The following GALNT16 variants were observed in gnomAD, a reference collection of about 807,000 sequenced individuals.
The protein encoded by GALNT16 is polypeptide N-acetylgalactosaminyltransferase 16, also known as UDP-GalNAc:polypeptide N-acetylgalactosaminyltransferase-like protein 1.
GALNT16 carries 40 observed loss-of-function variants against 76.1 expected under a neutral mutation model. The ratio of observed to expected loss-of-function variants is 0.53; its 90% CI spans 0.41 to 0.68. The LOEUF is 0.68. Ranked by LOEUF, GALNT16 falls within the 30% of genes least tolerant of loss-of-function variation. The probability of loss-of-function intolerance (pLI) is 0.00; values close to 1 mark genes in which losing one functional copy is unlikely to be tolerated. For missense variants in GALNT16, 621 were observed against 731.9 expected, an observed-to-expected ratio of 0.85 and a Z score of 1.75; for synonymous variants, 276 against 285.2, an observed-to-expected ratio of 0.97 and a Z score of 0.32.
At chr14:69,345,959 C>G (rs1161573848) in intron 12 of GALNT16, among the ~76,000 whole-genome samples, 1 of 152,102 alleles carries the variant, frequency 6.6e-6, no homozygotes, top group African/African-American at 2.4e-5. Context: ...GGCATTATGG[C>G]TCACTGCAGC....
chr14:69,378,823 A>G, the GALNT16 span, among the ~76,000 whole-genome samples: 1 of 152,254 alleles, frequency 6.6e-6, no homozygotes, highest in African/African-American at 2.4e-5. Context: ...AAATAAAGCC[A>G]AAGATCCTCT....
chr14:69,325,166 C>G lies in GALNT16; in HGVS notation c.435-171C>G, dbSNP rs145384541. 4.9e-3 allele frequency among the ~76,000 whole-genome samples: 748 copies of G among 152,224 alleles called. 6 individuals are homozygous for G. The highest frequency in any genetic ancestry group is 0.017 in the African/African-American group (717 of 41,544). ...CTGGGCTTGTGGTCAAGTTGAACTC[C>G]CATCTCCCCATTTCCTCAATGAACT... is the stretch of plus-strand genomic sequence containing the variant. On this transcript the variant is annotated intron_variant, in intron 3 of 14. Transcript: ENST00000448469.
chr14:69,277,920 C>T (rs1450740224), intron 1 of GALNT16, among the ~76,000 whole-genome samples: 1 of 152,048 alleles, frequency 6.6e-6, no homozygotes. Context: ...GCCATTCTAA[C>T]ATTTATGCAG....
intron 2 of GALNT16, among the ~76,000 whole-genome samples, chr14:69,322,990 ACGCGCG>A (rs1235629233): frequency 2.2e-4 from 5 of 22,678 alleles, no homozygotes; most frequent in East Asian, 3.3e-3. Context: ...GTGCGCGCGC[ACGCGCG>A]CACGCATGCA....
intron 1 of GALNT16, among the ~76,000 whole-genome samples, chr14:69,270,050 T>C (rs143654331): frequency 5.3e-5 from 8 of 152,160 alleles, no homozygotes; most frequent in African/African-American, 1.4e-4. Flanking sequence ...TGGTTCGTGG[T>C]GTTCTCTTCT....
chr14:69,294,881 C>T (rs1489071239), intron 1 of GALNT16, among the ~76,000 whole-genome samples: 1 of 152,110 alleles, frequency 6.6e-6, no homozygotes, highest in Non-Finnish European at 1.5e-5. Flanking sequence ...ACCGCGCTGG[C>T]TCACATGATA....
chr14:69,317,100 G>C (rs556308342), intron 1 of GALNT16, among the ~76,000 whole-genome samples: 1 of 152,184 alleles, frequency 6.6e-6, no homozygotes, highest in East Asian at 1.9e-4. Context: ...CTCCAGAGAG[G>C]GCAGCCAAGC....
chr14:69,314,246 C>A (rs2140155155), intron 1 of GALNT16, among the ~76,000 whole-genome samples: 1 of 152,346 alleles, frequency 6.6e-6, no homozygotes, highest in Non-Finnish European at 1.5e-5. Context: ...AGGCACTGTG[C>A]AAAGCACATT....
At chr14:69,293,128 AG>A (rs2044709529) in intron 1 of GALNT16, among the ~76,000 whole-genome samples, 1 of 152,166 alleles carries the variant, frequency 6.6e-6, no homozygotes, top group Admixed American at 6.5e-5. Flanking sequence ...AGTGAACAGA[AG>A]GTAAGTATCT....
rs1380904897 is a variant in GALNT16, at chr14:69,338,708, G to A, written c.1025G>A (p.Arg342Gln). 5 of 1,613,702 alleles carry A rather than the reference G, an allele frequency of 3.1e-6. No individual in the cohort carries two copies. Among genetic ancestry groups the A allele is most frequent in the African/African-American group, 1.3e-5 (1 of 74,848 alleles). The change falls in exon 10 of 15, where the codon CGG becomes CAG. Residue 342 changes from arginine (R) to glutamine (Q), a missense_variant. Coordinates refer to ENST00000448469, the MANE Select transcript of GALNT16 (RefSeq NM_001168368.2). ...AGTCTGGAGATCGTCCCCTGCAGCC[G>A]GGTGGGCCATGTCTTCAGGAAACGG... Reference protein sequence around the residue: ...GGSLEIVPCSRVGHVFRKRHP... With the variant: ...GGSLEIVPCSQVGHVFRKRHP...
intron 2 of GALNT16, 70 bp from the exon 3 acceptor site, chr14:69,324,622 C>T: frequency 1.2e-6 from 1 of 841,270 alleles, no homozygotes; most frequent in South Asian, 1.7e-5. Flanking sequence ...CAAGACTGGA[C>T]AAAGAAAAAC....
intron 1 of GALNT16, among the ~76,000 whole-genome samples, chr14:69,313,832 G>A (rs1295686434): frequency 6.6e-6 from 1 of 152,244 alleles, no homozygotes; most frequent in Non-Finnish European, 1.5e-5. Context: ...TCTGCTGATG[G>A]TGAAGTTCCT....
In GALNT16 at chr14:69,304,057, T is replaced by A. The variant is rs555857573; in HGVS notation, c.178-16654T>A. On this transcript the variant is annotated intron_variant, in intron 1 of 14. Transcript: ENST00000448469. ...GTCTTCCATCACTTTTTTTCCGGGC[T>A]CTTTTTGGGGGTGGGGGTGAGGGAT... Among the ~76,000 whole-genome samples, 462 of 152,238 alleles carry A rather than the reference T, an allele frequency of 3.0e-3. 1 individual carries two copies. The highest frequency in any genetic ancestry group is 4.7e-3 in the Non-Finnish European group (318 of 68,008).
chr14:69,327,082 A>G (rs1208883501), intron 5 of GALNT16, among the ~76,000 whole-genome samples: 1 of 152,160 alleles, frequency 6.6e-6, no homozygotes, highest in African/African-American at 2.4e-5. Flanking sequence ...GATGTGATTG[A>G]TATGTTTAAA....
chr14:69,266,936 A>G (rs2044348609), intron 1 of GALNT16, among the ~76,000 whole-genome samples: 1 of 152,220 alleles, frequency 6.6e-6, no homozygotes, highest in South Asian at 2.1e-4. Context: ...ACAAAGCTGC[A>G]AAGTTGGAGG....
In GALNT16 at chr14:69,336,550, C is replaced by T. The variant is rs559671251; in HGVS notation, c.968-2101C>T. Among the ~76,000 whole-genome samples, 23 of 152,310 alleles carry T rather than the reference C, an allele frequency of 1.5e-4. No individual in the cohort carries two copies. The East Asian group carries it at 4.4e-3, about 29-fold the overall frequency. ...CTGTTTCAGGTCTTGGCTCAAATGT[C>T]CCTTTTATAGTGACAACTCCCCTCA... On this transcript the variant is annotated intron_variant, in intron 9 of 14. Transcript: ENST00000448469.
Position 69,339,435 on chromosome 14 carries a change from G to A in GALNT16, c.1095-92G>A, listed in dbSNP as rs375949236. The A allele has an allele frequency of 1.2e-3, 986 of 809,996 alleles. 24 individuals are homozygous for A. The South Asian group carries it at 0.013, about 11-fold the overall frequency. The allele number at this position is 809,996 out of a possible 1,614,324, so 50.2% of individuals were successfully genotyped here. ...TCACCTTGCTCCTGAGATTCTCATCGTCCTGTATTCATGGATCGATTAATC... is the reference window on the plus strand; with the variant it reads ...TCACCTTGCTCCTGAGATTCTCATCATCCTGTATTCATGGATCGATTAATC... On this transcript the variant is annotated intron_variant, in intron 10 of 14. Coordinates refer to ENST00000448469, the MANE Select transcript of GALNT16 (RefSeq NM_001168368.2).
chr14:69,352,206 C>T lies in GALNT16; in HGVS notation c.*38C>T. Reference sequence around the variant, plus strand: ...GGCCTCCTGTACCTTTTGCATGAGACTTCGGGACCGGAAGGGGGTTAGGGT... The same window carrying T: ...GGCCTCCTGTACCTTTTGCATGAGATTTCGGGACCGGAAGGGGGTTAGGGT... On this transcript the variant is annotated 3_prime_UTR_variant, in exon 15 of 15. Transcript: ENST00000448469. The T allele has an allele frequency of 6.4e-7, 1 of 1,556,952 alleles. No homozygotes were observed. Among genetic ancestry groups the T allele is most frequent in the Non-Finnish European group, 8.7e-7 (1 of 1,148,626 alleles).
At chr14:69,386,202 T>C in the GALNT16 span, among the ~76,000 whole-genome samples, 1 of 152,222 alleles carries the variant, frequency 6.6e-6, no homozygotes, top group East Asian at 1.9e-4. Flanking sequence ...GGAGACAGCA[T>C]GGTGCAGCCA....
Sources: gnomAD v4.1 joint callset for allele counts (sites outside exome capture counted in the v4.1 genomes callset) on GRCh38, gnomAD v4.1.1 for gene constraint, MANE v1.5 for transcripts, NCBI Gene and HGNC (gene_info 2026-07-23, HGNC 2026-07-21) for gene names.